The following QTMAN variants were observed in gnomAD, a reference collection of about 807,000 sequenced individuals.
QTMAN encodes the protein tRNA-queuosine alpha-mannosyltransferase.
At chr2:144,270,921 A>G in the QTMAN span, among the ~76,000 whole-genome samples, 6 of 152,250 alleles carry the variant, frequency 3.9e-5, no homozygotes, top group African/African-American at 1.4e-4. Flanking sequence ...AAGATCTGGT[A>G]GGAAAGAGAG....
At chr2:143,969,363 A>C in the QTMAN span, among the ~76,000 whole-genome samples, 1 of 152,212 alleles carries the variant, frequency 6.6e-6, no homozygotes, top group South Asian at 2.1e-4. Flanking sequence ...TCAAAAAAAA[A>C]TTATAAATTT....
chr2:144,097,412 A>G, the QTMAN span, among the ~76,000 whole-genome samples: 3 of 152,230 alleles, frequency 2.0e-5, no homozygotes, highest in Admixed American at 2.0e-4. Context: ...TACTGCAGTT[A>G]CTGACCACTC....
chr2:144,048,813 C>T, the QTMAN span, among the ~76,000 whole-genome samples: 1 of 144,024 alleles, frequency 6.9e-6, no homozygotes, highest in Non-Finnish European at 1.5e-5. Context: ...TGCGCACACA[C>T]ATGCATACAC....
chr2:144,028,520 G>A, the QTMAN span, among the ~76,000 whole-genome samples: 2 of 152,060 alleles, frequency 1.3e-5, no homozygotes, highest in African/African-American at 2.4e-5. Context: ...GCTTCCTACT[G>A]GCCTTACATT....
the QTMAN span, chr2:144,006,955 G>A: frequency 7.3e-6 from 3 of 411,482 alleles, no homozygotes; most frequent in Non-Finnish European, 8.6e-6. Context: ...TGTTAGTTGA[G>A]CAAATTGCAG....
chr2:144,266,573 C>G, the QTMAN span, among the ~76,000 whole-genome samples: 1 of 152,286 alleles, frequency 6.6e-6, no homozygotes, highest in South Asian at 2.1e-4. Context: ...ATTGGTTTTA[C>G]AAACATTAAT....
chr2:144,257,925 T>G, the QTMAN span, among the ~76,000 whole-genome samples: 2 of 151,984 alleles, frequency 1.3e-5, no homozygotes, highest in Non-Finnish European at 2.9e-5. Context: ...ATAAAGAATA[T>G]AAGCTACTTC....
chr2:144,064,823 T>C, the QTMAN span, among the ~76,000 whole-genome samples: 1 of 152,064 alleles, frequency 6.6e-6, no homozygotes, highest in African/African-American at 2.4e-5. Flanking sequence ...CCAAGGAAAA[T>C]GACACATTAA....
At chr2:144,326,565 C>T in the QTMAN span, among the ~76,000 whole-genome samples, 6 of 118,080 alleles carry the variant, frequency 5.1e-5, no homozygotes, top group East Asian at 7.8e-4. Context: ...CCAGCCTGGG[C>T]AACAGAGTGA....
chr2:143,979,007 G>T, the QTMAN span, among the ~76,000 whole-genome samples: 1 of 152,138 alleles, frequency 6.6e-6, no homozygotes. Context: ...AAGAATTGTT[G>T]TATTTCTACC....
the QTMAN span, among the ~76,000 whole-genome samples, chr2:144,119,426 C>T: frequency 1.3e-5 from 2 of 152,344 alleles, no homozygotes; most frequent in East Asian, 3.9e-4. Context: ...GGCAAAGGAA[C>T]TCTTTTCCAT....
At chr2:144,182,894 AT>A in the QTMAN span, among the ~76,000 whole-genome samples, 2 of 90,498 alleles carry the variant, frequency 2.2e-5, no homozygotes, top group African/African-American at 4.4e-5. Context: ...TTTTATATAT[AT>A]ATATATTATA....
the QTMAN span, among the ~76,000 whole-genome samples, chr2:143,978,311 C>G: frequency 5.3e-3 from 802 of 152,288 alleles, 6 homozygotes; most frequent in African/African-American, 0.018. Context: ...ACCTTTTCCC[C>G]AGTTAAATCT....
chr2:144,087,591 A>C, the QTMAN span, among the ~76,000 whole-genome samples: 1 of 152,056 alleles, frequency 6.6e-6, no homozygotes, highest in Non-Finnish European at 1.5e-5. Context: ...ACTGAATCCA[A>C]CAGCACATCA....
chr2:144,006,006 A>C, the QTMAN span: 1 of 152,152 alleles, frequency 6.6e-6, no homozygotes, highest in East Asian at 1.9e-4. Flanking sequence ...GTAAATGATG[A>C]CATCTATTTT....
the QTMAN span, among the ~76,000 whole-genome samples, chr2:143,979,914 T>C: frequency 9.8e-3 from 1,496 of 152,332 alleles, 34 homozygotes; most frequent in Admixed American, 0.036. Context: ...CTAATAAATA[T>C]AGCCATTCCA....
At chr2:144,065,593 G>A in the QTMAN span, among the ~76,000 whole-genome samples, 1 of 152,012 alleles carries the variant, frequency 6.6e-6, no homozygotes, top group African/African-American at 2.4e-5. Flanking sequence ...AGACCCAGGG[G>A]TGGTAACACT....
the QTMAN span, among the ~76,000 whole-genome samples, chr2:143,994,810 T>C: frequency 6.6e-3 from 999 of 152,294 alleles, 3 homozygotes; most frequent in Middle Eastern, 0.051. Flanking sequence ...AACTGGACTG[T>C]GGGATAGTTG....
At chr2:144,329,510 G>A in the QTMAN span, among the ~76,000 whole-genome samples, 1 of 152,186 alleles carries the variant, frequency 6.6e-6, no homozygotes, top group South Asian at 2.1e-4. Flanking sequence ...GTAAAACGTG[G>A]CCTATGGTAA....
Sources: gnomAD v4.1 joint callset for allele counts (sites outside exome capture counted in the v4.1 genomes callset) on GRCh38, gnomAD v4.1.1 for gene constraint, MANE v1.5 for transcripts, NCBI Gene and HGNC (gene_info 2026-07-23, HGNC 2026-07-21) for gene names.